TNFRSF19: variants seen among roughly 807,000 people sequenced by gnomAD.
The protein encoded by TNFRSF19 is TNF receptor superfamily member 19, also known as tumor necrosis factor receptor superfamily member 19.
TNFRSF19 carries 27 observed loss-of-function variants against 46.4 expected under a neutral mutation model. That is an observed-to-expected ratio of 0.58 (90% CI 0.43 to 0.80). The LOEUF is 0.80. Among genes scored for constraint, TNFRSF19 ranks in the 30% least tolerant of loss-of-function variants. TNFRSF19 has a pLI of 0.00. For synonymous variants in TNFRSF19, 204 were observed against 205.0 expected (o/e 1.00, Z 0.04); for missense variants, 511 against 530.8 (o/e 0.96, Z 0.37).
intron 5 of TNFRSF19, among the ~76,000 whole-genome samples, chr13:23,657,297 C>T (rs1172914459): frequency 6.6e-6 from 1 of 152,142 alleles, no homozygotes; most frequent in Non-Finnish European, 1.5e-5. Context: ...AAGTGTTTCT[C>T]TCTGGGGCTG....
In TNFRSF19 at chr13:23,675,292, T is replaced by G. The variant is rs1223251017; in HGVS notation, c.*1912T>G. 1 of 151,814 alleles carries G rather than the reference T, an allele frequency of 6.6e-6. No individual in the cohort carries two copies. 9.4% of individuals were successfully genotyped at this position (151,814 alleles called of 1,614,324 possible). A position where few individuals can be genotyped will look rare whatever the true frequency, so the allele number is the denominator to read the frequency against. On this transcript the variant is annotated 3_prime_UTR_variant, in exon 10 of 10. Transcript: ENST00000248484. Reference sequence around the variant, plus strand: ...ATGACAGAGAGATGATGTTTGCATTTCTGTTATGACAGAGAGATGATGAAA... The same window carrying G: ...ATGACAGAGAGATGATGTTTGCATTGCTGTTATGACAGAGAGATGATGAAA...
chr13:23,636,638 C>T (rs1461059128), intron 5 of TNFRSF19, among the ~76,000 whole-genome samples: 1 of 152,142 alleles, frequency 6.6e-6, no homozygotes, highest in Non-Finnish European at 1.5e-5. Context: ...ATTAAGGTGA[C>T]CCTAGGACAG....
At chr13:23,630,753 T>A (rs1056773572) in intron 5 of TNFRSF19, among the ~76,000 whole-genome samples, 2 of 152,258 alleles carry the variant, frequency 1.3e-5, no homozygotes, top group African/African-American at 4.8e-5. Context: ...GCCTTCAGTC[T>A]GATAAGAAAT....
chr13:23,592,299 C>T (rs1879365941), intron 2 of TNFRSF19, among the ~76,000 whole-genome samples: 2 of 152,106 alleles, frequency 1.3e-5, no homozygotes, highest in Admixed American at 1.3e-4. Context: ...GTCAGTAGCA[C>T]TATTCAGGGC....
intron 1 of TNFRSF19, among the ~76,000 whole-genome samples, chr13:23,583,202 C>G (rs1431122159): frequency 6.6e-6 from 1 of 152,184 alleles, no homozygotes; most frequent in African/African-American, 2.4e-5. Flanking sequence ...TCCAAATCTT[C>G]ACCAACAATG....
At chr13:23,619,608 A>G (rs144150474) in intron 4 of TNFRSF19, among the ~76,000 whole-genome samples, 177 of 152,290 alleles carry the variant, frequency 1.2e-3, no homozygotes, top group African/African-American at 4.1e-3. Context: ...GATGATATCT[A>G]TGGATAGCAT....
chr13:23,653,158 A>G (rs1199781383), intron 5 of TNFRSF19, among the ~76,000 whole-genome samples: 1 of 151,822 alleles, frequency 6.6e-6, no homozygotes, highest in Non-Finnish European at 1.5e-5. Context: ...TGCTGCATTC[A>G]CCTCCCAGCT....
chr13:23,672,709 A>G lies in TNFRSF19; in HGVS notation c.1246-663A>G, dbSNP rs553792032. 2.4e-4 allele frequency among the ~76,000 whole-genome samples: 36 copies of G among 152,340 alleles called. No individual in the cohort carries two copies. In the South Asian group the frequency reaches 5.6e-3, roughly 24 times the overall value. On this transcript the variant is annotated intron_variant, in intron 9 of 9. Transcript: ENST00000248484. ...TTAGTGGTAAGTTAGTGAAGGGTTAATACATGAAATTAATGTTCAGTGGTT... is the reference window on the plus strand; with the variant it reads ...TTAGTGGTAAGTTAGTGAAGGGTTAGTACATGAAATTAATGTTCAGTGGTT...
intron 1 of TNFRSF19, among the ~76,000 whole-genome samples, chr13:23,583,660 G>A (rs2138156986): frequency 6.6e-6 from 1 of 152,338 alleles, no homozygotes; most frequent in East Asian, 1.9e-4. Flanking sequence ...GGTCACATAT[G>A]TGGAAACTGG....
intron 3 of TNFRSF19, among the ~76,000 whole-genome samples, chr13:23,601,728 G>C (rs532613375): frequency 2.3e-4 from 35 of 152,272 alleles, no homozygotes; most frequent in African/African-American, 8.2e-4. Context: ...GGGTGAGGAG[G>C]AGGAATTAGA....
At chr13:23,630,355 A>G (rs985366584) in intron 5 of TNFRSF19, among the ~76,000 whole-genome samples, 1 of 151,360 alleles carries the variant, frequency 6.6e-6, no homozygotes, top group Non-Finnish European at 1.5e-5. Flanking sequence ...AGATGGCTAG[A>G]CTGGGAGGCT....
intron 9 of TNFRSF19, 126 bp downstream of exon 9, chr13:23,669,223 A>G: frequency 7.0e-7 from 1 of 1,436,820 alleles, no homozygotes; most frequent in Non-Finnish European, 9.1e-7. Flanking sequence ...AATTTCTTGT[A>G]TGTTGTAGAG....
At chr13:23,628,578 T>A (rs1245468800) in intron 5 of TNFRSF19, among the ~76,000 whole-genome samples, 1 of 152,214 alleles carries the variant, frequency 6.6e-6, no homozygotes, top group Admixed American at 6.5e-5. Flanking sequence ...TTATTGGATT[T>A]ATATTTAATA....
intron 3 of TNFRSF19, among the ~76,000 whole-genome samples, chr13:23,610,757 G>C (rs1880844068): frequency 6.6e-6 from 1 of 152,082 alleles, no homozygotes; most frequent in Non-Finnish European, 1.5e-5. Flanking sequence ...TGGATACCAT[G>C]GGTTGTTCAC....
chr13:23,656,314 C>A (rs1276233295), intron 5 of TNFRSF19, among the ~76,000 whole-genome samples: 1 of 152,134 alleles, frequency 6.6e-6, no homozygotes, highest in Non-Finnish European at 1.5e-5. Flanking sequence ...GTTTAGAGAA[C>A]ATAAATCCTG....
chr13:23,670,946 C>G (rs1209967635), intron 9 of TNFRSF19, among the ~76,000 whole-genome samples: 1 of 152,194 alleles, frequency 6.6e-6, no homozygotes, highest in East Asian at 1.9e-4. Flanking sequence ...TACCACTCAC[C>G]TTAATTTTGT....
At chr13:23,658,509 T>C (rs1884131477) in intron 5 of TNFRSF19, among the ~76,000 whole-genome samples, 1 of 152,192 alleles carries the variant, frequency 6.6e-6, no homozygotes, top group Non-Finnish European at 1.5e-5. Context: ...CTTAGATGTT[T>C]TCCAGTAGTT....
chr13:23,591,709 A>C (rs1231683348), intron 2 of TNFRSF19, among the ~76,000 whole-genome samples: 1 of 142,724 alleles, frequency 7.0e-6, no homozygotes, highest in African/African-American at 2.6e-5. Flanking sequence ...ATAGCCTTAA[A>C]AATTTTCTTT....
At chr13:23,576,633 T>C (rs1210846698) in intron 1 of TNFRSF19, among the ~76,000 whole-genome samples, 2 of 152,218 alleles carry the variant, frequency 1.3e-5, no homozygotes, top group African/African-American at 2.4e-5. Flanking sequence ...TTACAAAAAA[T>C]GGTATAAATT....
Sources: allele counts gnomAD v4.1 joint callset (sites outside exome capture counted in the v4.1 genomes callset), GRCh38; gene constraint gnomAD v4.1.1; transcripts MANE v1.5; gene names NCBI Gene and HGNC (gene_info 2026-07-23, HGNC 2026-07-21).